Variants in SGTB observed in about 807,000 individuals in gnomAD.
SGTB encodes small glutamine-rich tetratricopeptide repeat-containing protein beta.
SGTB carries 19 observed loss-of-function variants against 43.9 expected under a neutral mutation model. The ratio of observed to expected loss-of-function variants is 0.43; its 90% confidence interval spans 0.30 to 0.63. The LOEUF is 0.63. Ranked by LOEUF, SGTB falls within the 30% of genes least tolerant of loss-of-function variation. The pLI is 0.12. For missense variants in SGTB, 304 were observed against 358.9 expected (o/e 0.85, Z 1.24); for synonymous variants, 116 against 117.3 (o/e 0.99, Z 0.07).
chr5:65,679,707 T>C (rs1757357260), intron 8 of SGTB, among the ~76,000 whole-genome samples: 1 of 152,176 alleles, frequency 6.6e-6, no homozygotes, highest in African/African-American at 2.4e-5. Flanking sequence ...CTTTTAACAC[T>C]GTTGGTGGAA....
At chr5:65,691,425 T>C (rs1289439428) in intron 5 of SGTB, among the ~76,000 whole-genome samples, 2 of 152,030 alleles carry the variant, frequency 1.3e-5, no homozygotes, top group African/African-American at 2.4e-5. Flanking sequence ...TTTTTTATTA[T>C]TTTATTATTT....
chr5:65,682,767 T>C (rs918355012), intron 6 of SGTB, among the ~76,000 whole-genome samples: 1 of 151,908 alleles, frequency 6.6e-6, no homozygotes, highest in Non-Finnish European at 1.5e-5. Context: ...AGTTGAAGAG[T>C]AGTAGAATAT....
At chr5:65,690,373 AG>A (rs1757582685) in intron 5 of SGTB, among the ~76,000 whole-genome samples, 1 of 152,162 alleles carries the variant, frequency 6.6e-6, no homozygotes, top group South Asian at 2.1e-4. Context: ...CAGGAGGTCG[AG>A]GCTGCAGTGA....
chr5:65,672,853 C>T (rs1254018479), intron 8 of SGTB, among the ~76,000 whole-genome samples: 1 of 152,184 alleles, frequency 6.6e-6, no homozygotes, highest in East Asian at 1.9e-4. Context: ...TATTCACAGA[C>T]TCTCTATGAG....
At chr5:65,704,183 C>G in intron 5 of SGTB, 96 bp downstream of exon 5, 1 of 942,716 alleles carries the variant, frequency 1.1e-6, no homozygotes, top group African/African-American at 1.7e-5. Flanking sequence ...TCTGAACTTT[C>G]AAAATTTTCT....
chr5:65,710,640 G>A (rs1267094853), intron 3 of SGTB, among the ~76,000 whole-genome samples: 1 of 152,164 alleles, frequency 6.6e-6, no homozygotes, highest in Non-Finnish European at 1.5e-5. Flanking sequence ...CACTTTCTCT[G>A]CCATATTCTG....
chr5:65,690,666 G>T (rs1002423270), intron 5 of SGTB, among the ~76,000 whole-genome samples: 1 of 151,974 alleles, frequency 6.6e-6, no homozygotes, highest in Non-Finnish European at 1.5e-5. Context: ...ATAGAGAGAG[G>T]TATTATTTTT....
At chr5:65,704,450 T>G in intron 4 of SGTB, 72 bp from the exon 5 acceptor site, 1 of 1,120,674 alleles carries the variant, frequency 8.9e-7, no homozygotes, top group Non-Finnish European at 1.2e-6. Flanking sequence ...TAGACACATT[T>G]TAATCGTGGA....
intron 5 of SGTB, among the ~76,000 whole-genome samples, chr5:65,692,069 G>A (rs1004302848): frequency 1.3e-5 from 2 of 151,766 alleles, no homozygotes; most frequent in Non-Finnish European, 2.9e-5. Flanking sequence ...ATTGAATAGC[G>A]AATTTTTAAA....
chr5:65,674,763 C>A (rs915946752), intron 8 of SGTB, among the ~76,000 whole-genome samples: 4 of 151,998 alleles, frequency 2.6e-5, no homozygotes, highest in African/African-American at 9.7e-5. Context: ...TAAAAGAATT[C>A]CATTTTTCAC....
rs569306109 is a variant in SGTB at position 65,718,823 on chromosome 5, C to T, written c.100+1885G>A. Reference sequence around the variant, plus strand: ...AAGGCACATATTTTTGGCTGAATACCATCCTAAAAATAGGACATAACATCT... The same window carrying T: ...AAGGCACATATTTTTGGCTGAATACTATCCTAAAAATAGGACATAACATCT... On this transcript the variant is annotated intron_variant, in intron 2 of 10. Transcript: ENST00000381007. 2.0e-5 allele frequency among the ~76,000 whole-genome samples: 3 copies of T among 151,360 alleles called. 1 individual carries two copies. The highest frequency in any genetic ancestry group is 7.3e-5 in the African/African-American group (3 of 41,208).
intron 4 of SGTB, among the ~76,000 whole-genome samples, chr5:65,708,259 C>T (rs1757972916): frequency 6.6e-6 from 1 of 152,202 alleles, no homozygotes; most frequent in South Asian, 2.1e-4. Context: ...TGTTCTGCAA[C>T]TTTTACAACA....
chr5:65,673,560 C>T lies in SGTB; in HGVS notation c.682-1279G>A, dbSNP rs561754016. On this transcript the variant is annotated intron_variant, in intron 8 of 10. Coordinates refer to ENST00000381007, the MANE Select transcript of SGTB (RefSeq NM_019072.3). Reference sequence around the variant, plus strand: ...AGAATCTAACGCTCCTCTCCCCATCCTGCCCCTACCCCCTACACCCGGTAT... The same window carrying T: ...AGAATCTAACGCTCCTCTCCCCATCTTGCCCCTACCCCCTACACCCGGTAT... Among the ~76,000 whole-genome samples the T allele has an allele frequency of 7.1e-4, 108 of 152,316 alleles. 1 individual carries two copies. The highest frequency in any genetic ancestry group is 2.6e-3 in the African/African-American group (106 of 41,568).
chr5:65,681,907 G>A (rs371138608), intron 6 of SGTB, among the ~76,000 whole-genome samples: 10 of 152,070 alleles, frequency 6.6e-5, no homozygotes, highest in Non-Finnish European at 8.8e-5. Flanking sequence ...TCCAGGAGGC[G>A]GAGGTTGCAG....
Position 65,708,815 on chromosome 5 carries a change from T to C in SGTB, c.205-257A>G, listed in dbSNP as rs892187408. ...CAGCACTTTGGGAGATCAAGGTGGG[T>C]GGACAGCTTGAGCTCAGGAGTTCGA... On this transcript the variant is annotated intron_variant, in intron 3 of 10. Transcript: ENST00000381007. 6.6e-5 allele frequency among the ~76,000 whole-genome samples: 10 copies of C among 152,196 alleles called. No individual in the cohort carries two copies. In the South Asian group the frequency reaches 1.0e-3, roughly 16 times the overall value.
intron 2 of SGTB, among the ~76,000 whole-genome samples, chr5:65,717,069 G>A (rs2150725439): frequency 6.6e-6 from 1 of 152,234 alleles, no homozygotes; most frequent in Admixed American, 6.5e-5. Context: ...ATGAGGAAAT[G>A]ACCATCAACA....
intron 5 of SGTB, among the ~76,000 whole-genome samples, chr5:65,697,402 A>G (rs1479308843): frequency 6.6e-6 from 1 of 152,200 alleles, no homozygotes; most frequent in Non-Finnish European, 1.5e-5. Context: ...TAAACTTTGT[A>G]GGCTCACATT....
intron 8 of SGTB, among the ~76,000 whole-genome samples, chr5:65,678,601 C>G (rs2150705235): frequency 6.6e-6 from 1 of 152,314 alleles, no homozygotes; most frequent in Non-Finnish European, 1.5e-5. Flanking sequence ...AACTGTACTA[C>G]AGGGCTACAA....
chr5:65,690,946 A>G lies in SGTB; in HGVS notation c.375-5474T>C, dbSNP rs116990085. 2.6e-3 allele frequency among the ~76,000 whole-genome samples: 393 copies of G among 152,374 alleles called. 6 individuals are homozygous for G. Among genetic ancestry groups the G allele is most frequent in the East Asian group, 0.017 (86 of 5,184 alleles). On this transcript the variant is annotated intron_variant, in intron 5 of 10. Transcript: ENST00000381007. The stretch of plus-strand genomic sequence containing the variant: ...TATATGCTTAGTGAGATGCATTCAA[A>G]GACAAATGAAAAACTGCAAAGAAAT...
Sources: gnomAD v4.1 joint callset for allele counts (sites outside exome capture counted in the v4.1 genomes callset) on GRCh38, gnomAD v4.1.1 for gene constraint, MANE v1.5 for transcripts, NCBI Gene and HGNC (gene_info 2026-07-23, HGNC 2026-07-21) for gene names.